PPP3CA: variants seen among roughly 807,000 people sequenced by gnomAD.
PPP3CA encodes protein phosphatase 3 catalytic subunit alpha, also known as CAM-PRP catalytic subunit.
Under a neutral mutation model 66.5 loss-of-function variants are expected in PPP3CA, and 14 were observed. The ratio of observed to expected loss-of-function variants is 0.21; its 90% CI spans 0.14 to 0.33. The LOEUF is 0.33. Ranked by LOEUF, PPP3CA falls within the 10% of genes least tolerant of loss-of-function variation. The pLI is 1.00. For synonymous variants in PPP3CA, 232 were observed against 226.2 expected (o/e 1.03, Z -0.23); for missense variants, 317 against 639.5 (o/e 0.50, Z 5.44).
At chr4:101,341,802 T>C (rs73835939) in intron 1 of PPP3CA, among the ~76,000 whole-genome samples, 16,169 of 152,122 alleles carry the variant, frequency 0.11, 2,917 homozygotes, top group African/African-American at 0.37. Flanking sequence ...TGGAAAAAAA[T>C]TGACAAAATG....
chr4:101,082,632 G>A (rs546908457), intron 7 of PPP3CA, among the ~76,000 whole-genome samples: 5 of 152,240 alleles, frequency 3.3e-5, no homozygotes, highest in Admixed American at 3.3e-4. Flanking sequence ...TACCAGGTGA[G>A]ACAAAATCAA....
At chr4:101,317,286 A>ACT (rs1728912602) in intron 1 of PPP3CA, among the ~76,000 whole-genome samples, 2 of 150,682 alleles carry the variant, frequency 1.3e-5, no homozygotes, top group East Asian at 2.0e-4. Context: ...ACACACACAC[A>ACT]CTCACACACA....
At chr4:101,336,048 T>TACAC (rs150022258) in intron 1 of PPP3CA, among the ~76,000 whole-genome samples, 3 of 150,348 alleles carry the variant, frequency 2.0e-5, no homozygotes, top group Admixed American at 6.6e-5. Context: ...CTACTAAAAA[T>TACAC]ACACACACAC....
intron 12 of PPP3CA, among the ~76,000 whole-genome samples, chr4:101,030,237 A>ACC (rs1423990663): frequency 1.3e-5 from 2 of 152,116 alleles, no homozygotes; most frequent in African/African-American, 4.8e-5. Flanking sequence ...TTAAAATTCT[A>ACC]CCCCTTGACT....
At chr4:101,284,248 T>A (rs1448143575) in intron 1 of PPP3CA, among the ~76,000 whole-genome samples, 1 of 152,216 alleles carries the variant, frequency 6.6e-6, no homozygotes, top group Non-Finnish European at 1.5e-5. Context: ...CTGGAAATCT[T>A]GTATAGGATT....
At chr4:101,344,999 C>A (rs1446087730) in intron 1 of PPP3CA, among the ~76,000 whole-genome samples, 4 of 152,150 alleles carry the variant, frequency 2.6e-5, no homozygotes. Context: ...TCAACAGAAG[C>A]CTTTCATGCA....
At chr4:101,292,366 T>C (rs1728055630) in intron 1 of PPP3CA, among the ~76,000 whole-genome samples, 1 of 152,196 alleles carries the variant, frequency 6.6e-6, no homozygotes, top group Non-Finnish European at 1.5e-5. Flanking sequence ...TCTGAAACTA[T>C]CAATTTTCTC....
intron 1 of PPP3CA, among the ~76,000 whole-genome samples, chr4:101,270,768 C>T (rs983023519): frequency 6.6e-6 from 1 of 151,936 alleles, no homozygotes. Context: ...CTTAACAATT[C>T]GATAATATTC....
chr4:101,102,790 T>C (rs1486080823), intron 3 of PPP3CA, among the ~76,000 whole-genome samples: 1 of 152,218 alleles, frequency 6.6e-6, no homozygotes, highest in Non-Finnish European at 1.5e-5. Flanking sequence ...TGGTATCAGA[T>C]GGCTAACTTG....
chr4:101,292,081 AAC>A (rs3974776), intron 1 of PPP3CA, among the ~76,000 whole-genome samples: 5,647 of 130,532 alleles, frequency 0.043, 203 homozygotes, highest in African/African-American at 0.076. Context: ...TGAGCCCATG[AAC>A]ACACACACAC....
chr4:101,289,755 C>T (rs1271760498), intron 1 of PPP3CA, among the ~76,000 whole-genome samples: 2 of 152,008 alleles, frequency 1.3e-5, no homozygotes, highest in Non-Finnish European at 2.9e-5. Flanking sequence ...TTAAATTTCT[C>T]CCTACCCTCA....
intron 10 of PPP3CA, among the ~76,000 whole-genome samples, chr4:101,048,533 A>AAAT (rs1727871084): frequency 6.8e-6 from 1 of 146,420 alleles, no homozygotes; most frequent in Admixed American, 6.9e-5. Context: ...AAAAAAAAAA[A>AAAT]AAGCCATATG....
intron 10 of PPP3CA, among the ~76,000 whole-genome samples, chr4:101,055,480 A>G (rs1728187076): frequency 6.6e-6 from 1 of 152,166 alleles, no homozygotes; most frequent in Admixed American, 6.6e-5. Flanking sequence ...TCATCAAAAG[A>G]CATTCATTGG....
At chr4:101,138,289 CT>C (rs1448802009) in intron 2 of PPP3CA, among the ~76,000 whole-genome samples, 2 of 152,098 alleles carry the variant, frequency 1.3e-5, no homozygotes, top group Admixed American at 1.3e-4. Context: ...CTTTTCTTTC[CT>C]TAAGTGCATA....
chr4:101,299,879 T>C (rs1728322514), intron 1 of PPP3CA, among the ~76,000 whole-genome samples: 1 of 152,214 alleles, frequency 6.6e-6, no homozygotes. Flanking sequence ...TGCCACATAG[T>C]CTTACAGCTA....
chr4:101,040,736 C>G (rs957016209), intron 10 of PPP3CA, among the ~76,000 whole-genome samples, 170 bp from the exon 11 acceptor site: 1 of 151,838 alleles, frequency 6.6e-6, no homozygotes, highest in African/African-American at 2.4e-5. Flanking sequence ...CTTTTGGCCA[C>G]CAATACTAGG....
intron 8 of PPP3CA, among the ~76,000 whole-genome samples, chr4:101,067,189 C>T (rs755749407): frequency 5.9e-5 from 9 of 152,120 alleles, no homozygotes; most frequent in Non-Finnish European, 1.2e-4. Context: ...ACTAATCCCA[C>T]GAATCTGGAA....
Position 101,300,871 on chromosome 4 carries a change from T to G in PPP3CA, c.58+45868A>C, listed in dbSNP as rs141109299. Among the ~76,000 whole-genome samples the G allele has an allele frequency of 1.8e-4, 27 of 152,178 alleles. No individual in the cohort carries two copies. The East Asian group carries it at 4.8e-3, about 27-fold the overall frequency. On this transcript the variant is annotated intron_variant, in intron 1 of 13. Transcript: ENST00000394854. ...CTGCCTCCCTCAAAATAATAATATC[T>G]CTGAATAATTCTGAGTTCTCTCCAT...
chr4:101,274,028 A>C (rs1727414643), intron 1 of PPP3CA, among the ~76,000 whole-genome samples: 1 of 152,184 alleles, frequency 6.6e-6, no homozygotes, highest in African/African-American at 2.4e-5. Flanking sequence ...AAGGTTGGCC[A>C]GGCATGGTGT....
Sources: gnomAD v4.1 joint callset for allele counts (sites outside exome capture counted in the v4.1 genomes callset) on GRCh38, gnomAD v4.1.1 for gene constraint, MANE v1.5 for transcripts, NCBI Gene and HGNC (gene_info 2026-07-23, HGNC 2026-07-21) for gene names.